The following CDH13 variants were observed in gnomAD, a reference collection of about 807,000 sequenced individuals.
CDH13 encodes cadherin 13.
A neutral mutation model predicts 63.8 loss-of-function variants in CDH13; 24 were observed. The observed-to-expected ratio is 0.38, with a 90% CI of 0.27 to 0.53. The LOEUF (loss-of-function observed/expected upper bound fraction) is 0.53. Among genes scored for constraint, CDH13 ranks in the 20% least tolerant of loss-of-function variants. The pLI is 0.85. For missense variants in CDH13, 1,049 were observed against 903.1 expected, an observed-to-expected ratio of 1.16 and a Z score of -2.07; for synonymous variants, 503 against 355.3, an observed-to-expected ratio of 1.42 and a Z score of -4.67.
intron 2 of CDH13, among the ~76,000 whole-genome samples, chr16:82,878,362 C>G (rs2040577565): frequency 6.6e-6 from 1 of 151,786 alleles, no homozygotes; most frequent in African/African-American, 2.4e-5. Flanking sequence ...TTGAATCTTT[C>G]ACTCTCTTTG....
chr16:83,531,113 C>A (rs2075074223), intron 7 of CDH13, among the ~76,000 whole-genome samples: 1 of 152,200 alleles, frequency 6.6e-6, no homozygotes. Context: ...TCAAATGTTA[C>A]AACTGCCACC....
intron 1 of CDH13, among the ~76,000 whole-genome samples, chr16:82,714,873 T>G (rs1197879460): frequency 1.4e-5 from 2 of 139,498 alleles, no homozygotes; most frequent in Non-Finnish European, 3.1e-5. Context: ...GACTGCCATC[T>G]AGAGCCTTCA....
chr16:82,744,761 C>T (rs979435452), intron 1 of CDH13, among the ~76,000 whole-genome samples: 7 of 152,248 alleles, frequency 4.6e-5, no homozygotes, highest in Admixed American at 4.6e-4. Context: ...CCACCTATTT[C>T]GAGGGCTGGA....
chr16:83,375,178 A>G (rs1211881711), intron 6 of CDH13, among the ~76,000 whole-genome samples: 1 of 152,216 alleles, frequency 6.6e-6, no homozygotes, highest in Non-Finnish European at 1.5e-5. Context: ...GCATGCAATG[A>G]GCTAGGCAAA....
chr16:83,031,067 A>G (rs1490154706), intron 2 of CDH13, among the ~76,000 whole-genome samples: 1 of 151,268 alleles, frequency 6.6e-6, no homozygotes, highest in Non-Finnish European at 1.5e-5. Flanking sequence ...GGTGCTGCAT[A>G]TTGTGCTGTA....
rs115965199 is a variant in CDH13 at position 82,715,947 on chromosome 16, T to G, written c.45+88810T>G. ...TACCAGATGCCTTTTATGAGCTCTT[T>G]GGTAGAAACTAAGCCATGTGTCACT... On this transcript the variant is annotated intron_variant, in intron 1 of 13. Transcript: ENST00000567109. 8.8e-3 allele frequency among the ~76,000 whole-genome samples: 1,338 copies of G among 152,312 alleles called. 27 individuals are homozygous for G. The highest frequency in any genetic ancestry group is 0.031 in the African/African-American group (1,277 of 41,570).
At chr16:83,514,980 A>G (rs1170640992) in intron 7 of CDH13, among the ~76,000 whole-genome samples, 1 of 152,146 alleles carries the variant, frequency 6.6e-6, no homozygotes, top group East Asian at 1.9e-4. Flanking sequence ...TGATGGCGAA[A>G]TGGAGACTGA....
chr16:83,503,059 A>G (rs1044881467), intron 7 of CDH13, among the ~76,000 whole-genome samples: 4 of 152,186 alleles, frequency 2.6e-5, no homozygotes, highest in African/African-American at 9.7e-5. Flanking sequence ...AAGGCTACAC[A>G]GAGAGAGGGG....
intron 2 of CDH13, among the ~76,000 whole-genome samples, chr16:82,932,227 T>G (rs568023919): frequency 6.6e-6 from 1 of 152,322 alleles, no homozygotes; most frequent in East Asian, 1.9e-4. Context: ...AAGTGTGTCC[T>G]GCCCAACATT....
chr16:83,361,807 C>T (rs1056083763), intron 6 of CDH13, among the ~76,000 whole-genome samples: 1 of 152,066 alleles, frequency 6.6e-6, no homozygotes, highest in African/African-American at 2.4e-5. Context: ...TGTACCGTAC[C>T]ATGCTGTTTT....
At chr16:83,201,933 T>C (rs2151766749) in intron 4 of CDH13, among the ~76,000 whole-genome samples, 1 of 152,026 alleles carries the variant, frequency 6.6e-6, no homozygotes, top group East Asian at 1.9e-4. Context: ...ATAAAAAAGA[T>C]TGAGTAATGT....
chr16:83,006,816 T>C (rs1913547099), intron 2 of CDH13, among the ~76,000 whole-genome samples: 1 of 152,230 alleles, frequency 6.6e-6, no homozygotes, highest in African/African-American at 2.4e-5. Flanking sequence ...ACGCCATTTG[T>C]TGAAATTCAC....
At chr16:83,379,134 G>A (rs1046919384) in intron 6 of CDH13, among the ~76,000 whole-genome samples, 1 of 151,974 alleles carries the variant, frequency 6.6e-6, no homozygotes, top group African/African-American at 2.4e-5. Context: ...CTTCAACCTG[G>A]TTTGTTGGCA....
intron 3 of CDH13, among the ~76,000 whole-genome samples, chr16:83,122,289 G>A (rs900587716): frequency 2.6e-5 from 4 of 152,192 alleles, no homozygotes; most frequent in African/African-American, 2.4e-5. Context: ...ATAGGCAACA[G>A]TTTCTAGCTC....
At chr16:82,811,211 G>A (rs949224553) in intron 1 of CDH13, among the ~76,000 whole-genome samples, 1 of 152,132 alleles carries the variant, frequency 6.6e-6, no homozygotes, top group Non-Finnish European at 1.5e-5. Flanking sequence ...CTTACTCAGT[G>A]ATGCCAAATT....
At chr16:83,420,115 A>G (rs2071673004) in intron 6 of CDH13, among the ~76,000 whole-genome samples, 1 of 152,178 alleles carries the variant, frequency 6.6e-6, no homozygotes, top group Non-Finnish European at 1.5e-5. Flanking sequence ...TATAAAAGAG[A>G]AATTCTCAAG....
intron 5 of CDH13, among the ~76,000 whole-genome samples, chr16:83,315,423 TA>T (rs1462249955): frequency 1.3e-5 from 2 of 152,228 alleles, no homozygotes; most frequent in African/African-American, 2.4e-5. Context: ...TGTGCACATT[TA>T]AACCTCACCT....
At chr16:82,864,663 A>T (rs746056759) in intron 2 of CDH13, among the ~76,000 whole-genome samples, 8 of 152,142 alleles carry the variant, frequency 5.3e-5, no homozygotes, top group Non-Finnish European at 1.2e-4. Context: ...AATCATGGGG[A>T]TTACAATTCA....
At chr16:83,743,497 C>T (rs143068906) in intron 10 of CDH13, among the ~76,000 whole-genome samples, 4 of 152,168 alleles carry the variant, frequency 2.6e-5, no homozygotes, top group African/African-American at 7.2e-5. Context: ...AATTGTACAA[C>T]AAAATTATGG....
Sources: allele counts gnomAD v4.1 joint callset (sites outside exome capture counted in the v4.1 genomes callset), GRCh38; gene constraint gnomAD v4.1.1; transcripts MANE v1.5; gene names NCBI Gene and HGNC (gene_info 2026-07-23, HGNC 2026-07-21).